The following TENM2 variants were observed in gnomAD, a reference collection of about 807,000 sequenced individuals.
TENM2 encodes teneurin transmembrane protein 2, also known as teneurin-2.
TENM2 carries 52 observed loss-of-function variants against 245.2 expected under a neutral mutation model. That is an observed-to-expected ratio of 0.21 (90% confidence interval 0.17 to 0.27). The LOEUF (loss-of-function observed/expected upper bound fraction) is 0.27, where lower values mean the gene tolerates loss of function less well. Among genes scored for constraint, TENM2 ranks in the 10% least tolerant of loss-of-function variants. The pLI is 1.00. For synonymous variants in TENM2, 1,363 were observed against 1,438.9 expected, an observed-to-expected ratio of 0.95 and a Z score of 1.19; for missense variants, 3,046 against 3,666.8, an observed-to-expected ratio of 0.83 and a Z score of 4.37.
intron 12 of TENM2, among the ~76,000 whole-genome samples, chr5:168,128,092 T>C (rs1411238078): frequency 6.6e-6 from 1 of 152,214 alleles, no homozygotes; most frequent in African/African-American, 2.4e-5. Flanking sequence ...CTGTATTCGA[T>C]TTCTTCCGGT....
intron 1 of TENM2, among the ~76,000 whole-genome samples, chr5:167,293,632 G>A (rs187719088): frequency 6.6e-6 from 1 of 152,140 alleles, no homozygotes; most frequent in Admixed American, 6.5e-5. Flanking sequence ...CCTTTCTGAT[G>A]CTGAGTTTAC....
At chr5:167,617,251 C>T (rs1777852392) in intron 2 of TENM2, among the ~76,000 whole-genome samples, 1 of 152,084 alleles carries the variant, frequency 6.6e-6, no homozygotes, top group Non-Finnish European at 1.5e-5. Flanking sequence ...CACACACATG[C>T]ATACACAAAT....
chr5:167,135,101 C>T, the TENM2 span, among the ~76,000 whole-genome samples: 1 of 152,140 alleles, frequency 6.6e-6, no homozygotes, highest in Admixed American at 6.5e-5. Context: ...TTTAGAGGCA[C>T]CCCATAATAG....
chr5:167,202,243 C>T, the TENM2 span, among the ~76,000 whole-genome samples: 1 of 152,032 alleles, frequency 6.6e-6, no homozygotes, highest in African/African-American at 2.4e-5. Flanking sequence ...TAGGTTCTTC[C>T]TCTGCATCTT....
At chr5:167,938,091 T>C (rs1036098469) in intron 3 of TENM2, 1 of 152,194 alleles carries the variant, frequency 6.6e-6, no homozygotes, top group Non-Finnish European at 1.5e-5. Flanking sequence ...TGCTCTATTA[T>C]CTAGAATTAA....
the TENM2 span, among the ~76,000 whole-genome samples, chr5:167,262,649 A>G: frequency 1.3e-5 from 2 of 152,088 alleles, no homozygotes; most frequent in Admixed American, 6.6e-5. Context: ...GTTAAAGAAG[A>G]TATATTTTAT....
At chr5:168,214,739 T>A (rs1254235844) in intron 20 of TENM2, 1 of 495,286 alleles carries the variant, frequency 2.0e-6, no homozygotes, top group East Asian at 5.5e-5. Context: ...TGAATAACTA[T>A]CCTGCTTACA....
At chr5:167,966,773 T>C (rs1278578510) in intron 4 of TENM2, among the ~76,000 whole-genome samples, 3 of 152,178 alleles carry the variant, frequency 2.0e-5, no homozygotes, top group Non-Finnish European at 2.9e-5. Context: ...ACCTGTTTGC[T>C]TTTTTGTTTG....
exon 21 of TENM2, chr5:168,215,183 C>T: frequency 6.2e-7 from 1 of 1,613,782 alleles, no homozygotes. Context: ...GAAGTTGTGG[C>T]AGGGACGGGA....
At chr5:167,507,906 A>C (rs1769664337) in intron 2 of TENM2, among the ~76,000 whole-genome samples, 1 of 152,034 alleles carries the variant, frequency 6.6e-6, no homozygotes, top group Admixed American at 6.6e-5. Context: ...TTCTACTATA[A>C]AATTAGAACT....
intron 2 of TENM2, among the ~76,000 whole-genome samples, chr5:167,747,448 G>A (rs1761668528): frequency 6.6e-6 from 1 of 152,106 alleles, no homozygotes; most frequent in Non-Finnish European, 1.5e-5. Context: ...ATTAACCTAT[G>A]CTGAAAGAGC....
chr5:167,092,426 T>G, the TENM2 span, among the ~76,000 whole-genome samples: 1 of 152,164 alleles, frequency 6.6e-6, no homozygotes, highest in East Asian at 1.9e-4. Flanking sequence ...GAAAGCTATC[T>G]GACACCAGCT....
In TENM2 at chr5:167,521,385, T is replaced by A. The variant is rs1399542236; in HGVS notation, c.502+145912T>A. On this transcript the variant is annotated intron_variant, in intron 2 of 28. Coordinates refer to ENST00000518659, the Ensembl canonical transcript of TENM2. ...GAAAGATATAAAATGAGATTCAAAT[T>A]TTGAATTAGGGCATATCCATTGACT... Among the ~76,000 whole-genome samples, 4 of 152,160 alleles carry A rather than the reference T, an allele frequency of 2.6e-5. No individual in the cohort carries two copies. In the South Asian group the frequency reaches 8.3e-4, roughly 31 times the overall value.
At chr5:168,259,106 C>T (rs776382464) in intron 27 of TENM2, among the ~76,000 whole-genome samples, 3 of 151,696 alleles carry the variant, frequency 2.0e-5, no homozygotes, top group Admixed American at 6.6e-5. Flanking sequence ...TTTCAAGGCA[C>T]GGACATCCAG....
At chr5:167,899,592 G>A (rs992911487) in intron 3 of TENM2, among the ~76,000 whole-genome samples, 1 of 152,154 alleles carries the variant, frequency 6.6e-6, no homozygotes, top group African/African-American at 2.4e-5. Context: ...ATAAAACGTG[G>A]TGGAGTGAAT....
At chr5:167,225,104 G>T in the TENM2 span, among the ~76,000 whole-genome samples, 1 of 151,998 alleles carries the variant, frequency 6.6e-6, no homozygotes, top group Non-Finnish European at 1.5e-5. Flanking sequence ...GTATTTGGTA[G>T]AGTGTTTTGA....
intron 4 of TENM2, among the ~76,000 whole-genome samples, 188 bp downstream of exon 6, chr5:167,953,010 T>C (rs1442874003): frequency 6.6e-6 from 1 of 152,320 alleles, no homozygotes; most frequent in Admixed American, 6.5e-5. Context: ...AGGTATTTCT[T>C]CGTTCACATG....
intron 5 of TENM2, chr5:168,033,042 G>T (rs2151961231): frequency 6.6e-6 from 1 of 152,228 alleles, no homozygotes; most frequent in Non-Finnish European, 1.5e-5. Context: ...AGGCTAAATT[G>T]ATTAAAGTTT....
exon 29 of TENM2, chr5:168,262,871 C>T: frequency 7.0e-7 from 1 of 1,426,342 alleles, no homozygotes; most frequent in Non-Finnish European, 9.5e-7. Flanking sequence ...GTTATCTCCT[C>T]TCCTAAGGAG....
Sources: allele counts gnomAD v4.1 joint callset (sites outside exome capture counted in the v4.1 genomes callset), GRCh38; gene constraint gnomAD v4.1.1; transcripts MANE v1.5; gene names NCBI Gene and HGNC (gene_info 2026-07-23, HGNC 2026-07-21).